The following TRIM33 variants were observed in gnomAD, a reference collection of about 807,000 sequenced individuals.
TRIM33 encodes E3 ubiquitin-protein ligase TRIM33.
TRIM33 carries 20 observed loss-of-function variants against 125.4 expected under a neutral mutation model. The observed-to-expected ratio is 0.16, with a 90% confidence interval of 0.11 to 0.23. The LOEUF is 0.23. Among genes scored for constraint, TRIM33 ranks in the 10% least tolerant of loss-of-function variants. TRIM33 has a pLI of 1.00. For synonymous variants in TRIM33, 564 were observed against 513.9 expected (o/e 1.10, Z -1.32); for missense variants, 920 against 1,411.4 (o/e 0.65, Z 5.58).
intron 4 of TRIM33, among the ~76,000 whole-genome samples, chr1:114,442,587 C>T (rs1467344382): frequency 1.3e-5 from 2 of 149,466 alleles, no homozygotes; most frequent in Non-Finnish European, 3.0e-5. Context: ...ACTTGGGAGG[C>T]TGAGGCAGGA....
intron 4 of TRIM33, among the ~76,000 whole-genome samples, chr1:114,451,462 C>T (rs1450186314): frequency 4.0e-5 from 6 of 150,774 alleles, no homozygotes; most frequent in Non-Finnish European, 7.4e-5. Context: ...TTTTTAATTC[C>T]TTTAATGTGA....
At chr1:114,415,446 T>C (rs1310049903) in intron 11 of TRIM33, among the ~76,000 whole-genome samples, 3 of 152,224 alleles carry the variant, frequency 2.0e-5, no homozygotes, top group Non-Finnish European at 4.4e-5. Context: ...TCAGCATACA[T>C]AATTCCTATC....
intron 4 of TRIM33, among the ~76,000 whole-genome samples, chr1:114,453,391 G>A (rs551145985): frequency 2.1e-4 from 32 of 151,950 alleles, no homozygotes; most frequent in African/African-American, 7.5e-4. Flanking sequence ...ATACAAAGAG[G>A]TGAACTCGTT....
intron 4 of TRIM33, among the ~76,000 whole-genome samples, chr1:114,457,200 C>T (rs1649677582): frequency 6.6e-6 from 1 of 152,172 alleles, no homozygotes; most frequent in Non-Finnish European, 1.5e-5. Flanking sequence ...TCTCTAAATA[C>T]TTTCCAGCCC....
rs79112578 is a variant in TRIM33 at position 114,449,546 on chromosome 1, T to C, written c.923+13558A>G. Among the ~76,000 whole-genome samples the C allele has an allele frequency of 4.2e-3, 632 of 152,264 alleles. 2 individuals are homozygous for C. Among genetic ancestry groups the C allele is most frequent in the African/African-American group, 0.014 (597 of 41,552 alleles). ...GAGAGGCTGCAAATGGTGGTGGTAA[T>C]GAAGGATGCAGTTTGGGTCTTCCTC... On this transcript the variant is annotated intron_variant, in intron 4 of 19. Transcript: ENST00000358465.
At chr1:114,499,727 C>A (rs1368911956) in intron 1 of TRIM33, among the ~76,000 whole-genome samples, 5 of 152,154 alleles carry the variant, frequency 3.3e-5, no homozygotes, top group Admixed American at 1.3e-4. Context: ...AGTGAACAGG[C>A]TCACTGTCTA....
At chr1:114,422,850 AAAG>A (rs1647295386) in intron 10 of TRIM33, among the ~76,000 whole-genome samples, 1 of 152,200 alleles carries the variant, frequency 6.6e-6, no homozygotes, top group South Asian at 2.1e-4. Context: ...GAAAAAATTC[AAAG>A]AATTGAGGGA....
intron 1 of TRIM33, among the ~76,000 whole-genome samples, chr1:114,491,962 G>A (rs76932691): frequency 6.6e-6 from 1 of 152,112 alleles, no homozygotes; most frequent in Non-Finnish European, 1.5e-5. Context: ...GGGCACTTCA[G>A]CTTTATTACA....
intron 4 of TRIM33, among the ~76,000 whole-genome samples, chr1:114,454,496 G>A (rs1465965101): frequency 6.6e-6 from 1 of 151,676 alleles, no homozygotes; most frequent in Non-Finnish European, 1.5e-5. Context: ...GACCAGCCTG[G>A]GCAACATAGG....
intron 1 of TRIM33, among the ~76,000 whole-genome samples, chr1:114,510,324 T>C (rs1570698258): frequency 6.6e-6 from 1 of 151,916 alleles, no homozygotes; most frequent in Non-Finnish European, 1.5e-5. Context: ...GGAGCCAGTG[T>C]CCCCTCCCCC....
intron 1 of TRIM33, among the ~76,000 whole-genome samples, chr1:114,486,764 CAGA>C (rs1449313633): frequency 1.3e-5 from 2 of 151,868 alleles, no homozygotes; most frequent in African/African-American, 2.4e-5. Context: ...TGCAGAGTTC[CAGA>C]AGGAGAGGAG....
Position 114,427,395 on chromosome 1 carries a change from T to C in TRIM33, c.1303-101A>G, listed in dbSNP as rs147090166. 1.6e-3 allele frequency: 1,109 copies of C among 672,702 alleles called. 16 individuals carry two copies. The African/African-American group carries it at 0.017, about 11-fold the overall frequency. 41.7% of individuals were successfully genotyped at this position (672,702 alleles called of 1,614,324 possible). On this transcript the variant is annotated intron_variant, in intron 7 of 19. Transcript: ENST00000358465. ...AAAAAAAGCACATATATTCCCACAG[T>C]GTCAGCCTCAGATTAGGCAGCATCA...
rs897263188 is a variant in TRIM33, at chr1:114,395,570, G to C, written c.*2078C>G. ...CTGCTATTCCTCACTTTCCAAAAAT[G>C]TGCCCTTAGATATATGTCTACTTAC... is the stretch of plus-strand genomic sequence containing the variant. On this transcript the variant is annotated 3_prime_UTR_variant, in exon 20 of 20. Coordinates refer to ENST00000358465, the MANE Select transcript of TRIM33 (RefSeq NM_015906.4). 3 of 200,034 alleles carry C rather than the reference G, an allele frequency of 1.5e-5. No individual in the cohort carries two copies. The highest frequency in any genetic ancestry group is 2.3e-5 in the African/African-American group (1 of 43,518). The allele number at this position is 200,034 out of a possible 1,614,324, so 12.4% of individuals were successfully genotyped here.
chr1:114,427,267 T>G lies in TRIM33; in HGVS notation c.1330A>C (p.Lys444Gln). Residue 444 changes from lysine (K) to glutamine (Q), a missense_variant, in exon 8 of 20, where the codon AAA becomes CAA. Transcript: ENST00000358465. ...GCAGGGACAGGATCACACCGTGCTT[T>G]CAAAATATGACGCAACTGGAAAGTA... ...LITFQLRHIL[K>Q]ARCDPVPAAN... 6.3e-7 allele frequency: 1 copy of G among 1,592,772 alleles called. No individual in the cohort carries two copies.
rs1012895653 is a variant in TRIM33, at chr1:114,491,955, C to T, written c.526+18596G>A. On this transcript the variant is annotated intron_variant, in intron 1 of 19. Transcript: ENST00000358465. Reference sequence around the variant, plus strand: ...TCATGCACTTAGCAACACTACGGGGCACTTCAGCTTTATTACATTTAGGGC... The same window carrying T: ...TCATGCACTTAGCAACACTACGGGGTACTTCAGCTTTATTACATTTAGGGC... Among the ~76,000 whole-genome samples, 6 of 152,272 alleles carry T rather than the reference C, an allele frequency of 3.9e-5. No homozygotes were observed. In the South Asian group the frequency reaches 1.0e-3, roughly 26 times the overall value.
At position 114,474,866 on chromosome 1, in the gene TRIM33, T is replaced by C. The variant is rs1650882003; in HGVS notation, c.527-10478A>G. Among the ~76,000 whole-genome samples, 3 of 150,376 alleles carry C rather than the reference T, an allele frequency of 2.0e-5. No individual in the cohort carries two copies. In the South Asian group the frequency reaches 6.3e-4, roughly 32 times the overall value. ...GAGATCCCACCACTGTACTCCAGCC[T>C]GGGCAACAGAAGCGAAAACTCTATC... On this transcript the variant is annotated intron_variant, in intron 1 of 19. Coordinates refer to ENST00000358465, the MANE Select transcript of TRIM33 (RefSeq NM_015906.4).
chr1:114,507,257 A>C (rs761236610), intron 1 of TRIM33, among the ~76,000 whole-genome samples: 9 of 152,214 alleles, frequency 5.9e-5, no homozygotes, highest in Non-Finnish European at 1.3e-4. Context: ...TTGTTAAACG[A>C]GACTACTGGA....
chr1:114,459,724 T>G (rs966371885), intron 4 of TRIM33, among the ~76,000 whole-genome samples: 5 of 150,648 alleles, frequency 3.3e-5, no homozygotes, highest in African/African-American at 9.8e-5. Context: ...AGCAACAGAG[T>G]GAGATCCCGT....
At chr1:114,416,368 A>G (rs560350458) in intron 11 of TRIM33, among the ~76,000 whole-genome samples, 41 of 152,308 alleles carry the variant, frequency 2.7e-4, no homozygotes, top group African/African-American at 9.9e-4. Context: ...ACTATCTCCT[A>G]TTACCTTCTT....
Sources: gnomAD v4.1 joint callset for allele counts (sites outside exome capture counted in the v4.1 genomes callset) on GRCh38, gnomAD v4.1.1 for gene constraint, MANE v1.5 for transcripts, NCBI Gene and HGNC (gene_info 2026-07-23, HGNC 2026-07-21) for gene names.